SYTL5: variants seen among roughly 807,000 people sequenced by gnomAD.
SYTL5 encodes synaptotagmin like 5.
In SYTL5, 34 loss-of-function variants were observed where a neutral mutation model predicts 55.9. The observed-to-expected ratio is 0.61, with a 90% confidence interval of 0.46 to 0.81. SYTL5 has a LOEUF of 0.81. Among genes scored for constraint, SYTL5 ranks in the 30% least tolerant of loss-of-function variants. SYTL5 has a pLI of 0.00. For synonymous variants in SYTL5, 221 were observed against 188.7 expected, an observed-to-expected ratio of 1.17 and a Z score of -1.40; for missense variants, 637 against 546.7, an observed-to-expected ratio of 1.17 and a Z score of -1.65.
chrX:37,954,019 A>G, the SYTL5 span, among the ~76,000 whole-genome samples: 1 of 111,613 alleles, frequency 9.0e-6, no homozygotes, highest in Non-Finnish European at 1.9e-5. Flanking sequence ...TGCTTGTTGG[A>G]ACAAGATCAT....
At chrX:38,081,434 CTT>C (rs1184597647) in intron 6 of SYTL5, among the ~76,000 whole-genome samples, 1 of 111,559 alleles carries the variant, frequency 9.0e-6, no homozygotes, top group East Asian at 2.8e-4. Flanking sequence ...AAAAAAAGAA[CTT>C]TAGCTAGAAA....
At chrX:38,003,625 A>C (rs1192582189), upstream of SYTL5, among the ~76,000 whole-genome samples, 3 of 111,944 alleles carry the variant, frequency 2.7e-5, no homozygotes, top group Non-Finnish European at 5.7e-5. Context: ...TAGGAAGAAT[A>C]TATATCGTGA....
chrX:38,030,798 G>C (rs1934930970), intron 1 of SYTL5, among the ~76,000 whole-genome samples: 1 of 112,240 alleles, frequency 8.9e-6, no homozygotes. Context: ...AAGGAGCTTA[G>C]AGCAGCCAAT....
chrX:38,085,466 A>G (rs1161201542), intron 6 of SYTL5, among the ~76,000 whole-genome samples: 1 of 112,218 alleles, frequency 8.9e-6, no homozygotes, highest in Non-Finnish European at 1.9e-5. Context: ...AGATTGAGCT[A>G]CATTCATTTT....
At chrX:37,892,130 T>C in the SYTL5 span, among the ~76,000 whole-genome samples, 3 of 110,917 alleles carry the variant, frequency 2.7e-5, no homozygotes, top group Non-Finnish European at 3.8e-5. Context: ...GGTCAACTAC[T>C]AACCTGAGAG....
intron 2 of SYTL5, among the ~76,000 whole-genome samples, chrX:38,045,292 G>A (rs776679748): frequency 1.8e-5 from 2 of 112,151 alleles, no homozygotes; most frequent in South Asian, 3.7e-4. Flanking sequence ...TTGCATATAT[G>A]AGCACATTTA....
the SYTL5 span, among the ~76,000 whole-genome samples, chrX:37,941,952 G>GTGATTT: frequency 8.0e-5 from 9 of 111,925 alleles, no homozygotes; most frequent in Non-Finnish European, 1.1e-4. Context: ...TTCCCTTACT[G>GTGATTT]TGATTTTGAT....
chrX:38,023,306 T>G (rs1934626065), intron 1 of SYTL5, among the ~76,000 whole-genome samples: 2 of 112,130 alleles, frequency 1.8e-5, no homozygotes, highest in Admixed American at 1.9e-4. Context: ...TTTGGCTTCT[T>G]ACTCTAGTCA....
intron 3 of SYTL5, among the ~76,000 whole-genome samples, chrX:38,061,411 A>T (rs148254401): frequency 9.0e-6 from 1 of 111,041 alleles, no homozygotes; most frequent in Non-Finnish European, 1.9e-5. Context: ...GGCAGCAAAC[A>T]CTCTTTGTTT....
At chrX:38,085,475 T>G (rs73467445) in intron 6 of SYTL5, among the ~76,000 whole-genome samples, 1,604 of 112,212 alleles carry the variant, frequency 0.014, 11 homozygotes, top group African/African-American at 0.016. Context: ...TACATTCATT[T>G]TTAGTTATCT....
Position 38,063,645 on chromosome X carries a change from G to T in SYTL5, c.330-8402G>T, listed in dbSNP as rs183652168. Among the ~76,000 whole-genome samples, 23 of 111,167 alleles carry T rather than the reference G, an allele frequency of 2.1e-4. No homozygotes were observed. In the East Asian group the frequency reaches 6.2e-3, roughly 30 times the overall value. ...ACATGTTTTCTAGTTTTGTATTTTT[G>T]AATATTATGGAAATGGAAATCATAC... On this transcript the variant is annotated intron_variant, in intron 3 of 16. Coordinates refer to ENST00000297875, the MANE Select transcript of SYTL5 (RefSeq NM_138780.3).
At chrX:38,098,184 A>T (rs1936986029) in intron 9 of SYTL5, among the ~76,000 whole-genome samples, 1 of 111,274 alleles carries the variant, frequency 9.0e-6, no homozygotes, top group Admixed American at 9.5e-5. Flanking sequence ...CAAGAAAAAA[A>T]ACTGGTAAAT....
intron 1 of SYTL5, among the ~76,000 whole-genome samples, chrX:38,008,715 A>T (rs892099256): frequency 8.9e-6 from 1 of 112,199 alleles, no homozygotes; most frequent in Non-Finnish European, 1.9e-5. Flanking sequence ...TCTTTCTTTC[A>T]AATTCCCCTA....
chrX:37,994,981 C>T, the SYTL5 span, among the ~76,000 whole-genome samples: 1 of 111,252 alleles, frequency 9.0e-6, no homozygotes, highest in East Asian at 2.8e-4. Context: ...GAGAAGCTAT[C>T]CCCAGAGAGC....
chrX:37,926,733 C>T, the SYTL5 span, among the ~76,000 whole-genome samples: 9 of 111,723 alleles, frequency 8.1e-5, no homozygotes, highest in East Asian at 2.0e-3. Context: ...TCCAGAATCT[C>T]TTTCTCTCCA....
chrX:38,083,900 T>C (rs944737047), intron 6 of SYTL5, among the ~76,000 whole-genome samples: 5 of 108,687 alleles, frequency 4.6e-5, no homozygotes, highest in African/African-American at 1.7e-4. Flanking sequence ...GTCCTTGTTA[T>C]ACTGTTGGGT....
the SYTL5 span, chrX:37,945,930 C>A: frequency 5.9e-6 from 1 of 168,432 alleles, no homozygotes. Flanking sequence ...GCATTTGTAG[C>A]TGTGGAGTAT....
At chrX:37,943,076 C>G in the SYTL5 span, among the ~76,000 whole-genome samples, 1 of 112,033 alleles carries the variant, frequency 8.9e-6, no homozygotes, top group South Asian at 3.7e-4. Context: ...AACAAAAGAG[C>G]TATCTACCTC....
rs1399981170 is a variant in SYTL5 at position 38,033,750 on chromosome X, C to T, written c.-140C>T. ...GAATACTTAACTACCATACGCAATT[C>T]TGCAGAGACCTTGTAAAAATCACAC... On this transcript the variant is annotated 5_prime_UTR_variant, in exon 2 of 17. Coordinates refer to ENST00000297875, the MANE Select transcript of SYTL5 (RefSeq NM_138780.3). 1.3e-5 allele frequency: 5 copies of T among 386,948 alleles called. No individual in the cohort carries two copies. Among genetic ancestry groups the T allele is most frequent in the Non-Finnish European group, 2.3e-5 (5 of 218,950 alleles). 31.9% of individuals were successfully genotyped at this position (386,948 alleles called of 1,213,427 possible). A position where few individuals can be genotyped will look rare whatever the true frequency, so the allele number is the denominator to read the frequency against.
Sources: allele counts gnomAD v4.1 joint callset (sites outside exome capture counted in the v4.1 genomes callset), GRCh38; gene constraint gnomAD v4.1.1; transcripts MANE v1.5; gene names NCBI Gene and HGNC (gene_info 2026-07-23, HGNC 2026-07-21).